MGAT5B: variants seen among roughly 807,000 people sequenced by gnomAD.
MGAT5B encodes the protein alpha-1,6-mannosylglycoprotein 6-beta-N-acetylglucosaminyltransferase B.
In MGAT5B, 54 loss-of-function variants were observed where a neutral mutation model predicts 95.1. That is an observed-to-expected ratio of 0.57 (90% CI 0.46 to 0.71). The LOEUF (loss-of-function observed/expected upper bound fraction) is 0.71, where lower values mean the gene tolerates loss of function less well. Ranked by LOEUF, MGAT5B falls within the 30% of genes least tolerant of loss-of-function variation. MGAT5B has a pLI of 0.00. For synonymous variants in MGAT5B, 464 were observed against 451.0 expected, an observed-to-expected ratio of 1.03 and a Z score of -0.36; for missense variants, 935 against 1,088.6, an observed-to-expected ratio of 0.86 and a Z score of 1.99.
intron 3 of MGAT5B, among the ~76,000 whole-genome samples, chr17:76,885,782 C>T (rs1037629808): frequency 1.3e-5 from 2 of 152,184 alleles, no homozygotes; most frequent in Non-Finnish European, 2.9e-5. Flanking sequence ...CCTGCTCACA[C>T]GCTCCCGTGC....
At chr17:76,933,102 G>C (rs190800144) in intron 11 of MGAT5B, among the ~76,000 whole-genome samples, 190 bp from the exon 12 acceptor site, 222 of 152,318 alleles carry the variant, frequency 1.5e-3, no homozygotes, top group African/African-American at 5.3e-3. Context: ...ATGGGGGGGT[G>C]GTCAGGCTAG....
chr17:76,926,479 C>G lies in MGAT5B; in HGVS notation c.1158-118C>G, dbSNP rs1969315264. On this transcript the variant is annotated intron_variant, in intron 9 of 17. Coordinates refer to ENST00000569840, the MANE Select transcript of MGAT5B (RefSeq NM_001199172.2). ...GTGTCCTAGTCCAAGTGCTAACACA[C>G]ACTGTGCTACTCTGACTCCACCACT... The G allele has an allele frequency of 3.0e-6, 3 of 985,290 alleles. No homozygotes were observed. In the Admixed American group the frequency reaches 7.7e-5, roughly 25 times the overall value. The allele number at this position is 985,290 out of a possible 1,614,324, so 61.0% of individuals were successfully genotyped here. A position where few individuals can be genotyped will look rare whatever the true frequency, so the allele number is the denominator to read the frequency against.
Position 76,905,998 on chromosome 17 carries a change from T to G in MGAT5B, c.856-20T>G. ...AGCTGCTGCTCCTCTCTGCTGACCC[T>G]CTGTGTTCCGCCCACCCAGATCCTG... On this transcript the variant is annotated intron_variant, in intron 7 of 17. Coordinates refer to ENST00000569840, the MANE Select transcript of MGAT5B (RefSeq NM_001199172.2). This position sits in a 1 kb window ranked among gnomAD's most constrained non-coding sequence, Gnocchi z 4.2. 1 of 1,586,734 alleles carries G rather than the reference T, an allele frequency of 6.3e-7. No homozygotes were observed. Among genetic ancestry groups the G allele is most frequent in the Non-Finnish European group, 8.6e-7 (1 of 1,168,842 alleles).
intron 2 of MGAT5B, among the ~76,000 whole-genome samples, chr17:76,875,797 A>G (rs1269470781): frequency 2.7e-5 from 4 of 150,632 alleles, no homozygotes; most frequent in Admixed American, 2.0e-4. Flanking sequence ...TGAATATTTC[A>G]GTGCACGTCT....
chr17:76,887,486 CCTCCCTCCCTTCCTCT>C (rs1967690021), intron 3 of MGAT5B, among the ~76,000 whole-genome samples: 1 of 98,554 alleles, frequency 1.0e-5, no homozygotes, highest in Non-Finnish European at 2.0e-5. Flanking sequence ...TCCCTCCCTC[CCTCCCTCCCTTCCTCT>C]CTCCCTCCCT....
intron 3 of MGAT5B, among the ~76,000 whole-genome samples, chr17:76,892,455 G>A (rs909719052): frequency 6.6e-6 from 1 of 152,260 alleles, no homozygotes; most frequent in Non-Finnish European, 1.5e-5. Context: ...CAGAGCCTGT[G>A]TGGAGAGGAG....
chr17:76,921,285 G>T (rs1433404025), intron 8 of MGAT5B, among the ~76,000 whole-genome samples: 1 of 152,190 alleles, frequency 6.6e-6, no homozygotes, highest in African/African-American at 2.4e-5. Context: ...TACAGGAAGT[G>T]TCCGGTCTCA....
chr17:76,917,286 C>T lies in MGAT5B; in HGVS notation c.1026-7680C>T, dbSNP rs146739344. On this transcript the variant is annotated intron_variant, in intron 8 of 17. Transcript: ENST00000569840. This position sits in a 1 kb window ranked among gnomAD's most constrained non-coding sequence, Gnocchi z 6.1. ...GCTGTGTCTCCGGCCTCTGCAGGGC[C>T]GTCCATAGTCATTTCTCAGCTGCCC... is the stretch of plus-strand genomic sequence containing the variant. Among the ~76,000 whole-genome samples the T allele has an allele frequency of 0.01, 1,534 of 151,614 alleles. 35 individuals are homozygous for T. The highest frequency in any genetic ancestry group is 0.035 in the African/African-American group (1,453 of 41,292).
At chr17:76,882,402 T>C in intron 3 of MGAT5B, 104 bp downstream of exon 3, 1 of 1,383,572 alleles carries the variant, frequency 7.2e-7, no homozygotes, top group Non-Finnish European at 9.7e-7. Context: ...CTGGAGAAGA[T>C]TTGGACCACA....
At position 76,897,911 on chromosome 17, in the gene MGAT5B, C is replaced by T. The variant is rs376138024; in HGVS notation, c.330-4644C>T. Among the ~76,000 whole-genome samples, 13 of 151,572 alleles carry T rather than the reference C, an allele frequency of 8.6e-5. No individual in the cohort carries two copies. In the East Asian group the frequency reaches 2.1e-3, roughly 25 times the overall value. The stretch of plus-strand genomic sequence containing the variant: ...TCTCTACTAAAAATACAAAAATTAG[C>T]CAGGCATGGTGGCACATGCCTGTAA... On this transcript the variant is annotated intron_variant, in intron 3 of 17. Coordinates refer to ENST00000569840, the MANE Select transcript of MGAT5B (RefSeq NM_001199172.2).
In MGAT5B at chr17:76,906,467, G is replaced by A. The variant is rs887750506; in HGVS notation, c.1025+280G>A. Among the ~76,000 whole-genome samples, 1 of 152,238 alleles carries A rather than the reference G, an allele frequency of 6.6e-6. No individual in the cohort carries two copies. The highest frequency in any genetic ancestry group is 2.4e-5 in the African/African-American group (1 of 41,464). On this transcript the variant is annotated intron_variant, in intron 8 of 17. Coordinates refer to ENST00000569840, the MANE Select transcript of MGAT5B (RefSeq NM_001199172.2). The surrounding 1 kb of genome is among the most constrained non-coding windows in gnomAD (Gnocchi z 4.6). Reference sequence around the variant, plus strand: ...GGTGTTTCTGCTCAGGGGCTGACACGTGTTGGCTTGTGGAATTGAGCCACG... The same window carrying A: ...GGTGTTTCTGCTCAGGGGCTGACACATGTTGGCTTGTGGAATTGAGCCACG...
rs1390480004 is a variant in MGAT5B, at chr17:76,917,723, G to A, written c.1026-7243G>A. Among the ~76,000 whole-genome samples, 1 of 152,132 alleles carries A rather than the reference G, an allele frequency of 6.6e-6. No individual in the cohort carries two copies. Among genetic ancestry groups the A allele is most frequent in the Non-Finnish European group, 1.5e-5 (1 of 68,040 alleles). On this transcript the variant is annotated intron_variant, in intron 8 of 17. Coordinates refer to ENST00000569840, the MANE Select transcript of MGAT5B (RefSeq NM_001199172.2). This position sits in a 1 kb window ranked among gnomAD's most constrained non-coding sequence, Gnocchi z 6.1. ...CCTGCACAGGTTGGTTCTCAGCAAAGGTTGGTGGAACCGGATAGAATAGCA... is the reference window on the plus strand; with the variant it reads ...CCTGCACAGGTTGGTTCTCAGCAAAAGTTGGTGGAACCGGATAGAATAGCA...
rs564467621 is a variant in MGAT5B at position 76,915,773 on chromosome 17, A to C, written c.1026-9193A>C. ...GGCCGACGATTACAATTCACTAAAA[A>C]TCCCCGGCCCCTCTCCTGTCTCCTT... On this transcript the variant is annotated intron_variant, in intron 8 of 17. Transcript: ENST00000569840. This position sits in a 1 kb window ranked among gnomAD's most constrained non-coding sequence, Gnocchi z 8.7. Among the ~76,000 whole-genome samples the C allele has an allele frequency of 6.6e-6, 1 of 152,222 alleles. No individual in the cohort carries two copies. Among genetic ancestry groups the C allele is most frequent in the South Asian group, 2.1e-4 (1 of 4,814 alleles).
At chr17:76,921,728 G>A (rs889837466) in intron 8 of MGAT5B, among the ~76,000 whole-genome samples, 1 of 152,222 alleles carries the variant, frequency 6.6e-6, no homozygotes, top group Non-Finnish European at 1.5e-5. Flanking sequence ...CTCAGAGGCA[G>A]TGGGAAGCCT....
At chr17:76,903,418 G>A in intron 5 of MGAT5B, 42 bp downstream of exon 5, 2 of 1,554,496 alleles carry the variant, frequency 1.3e-6, no homozygotes, top group Non-Finnish European at 1.8e-6. Flanking sequence ...TACAGCTAGG[G>A]CCTCTCTGTC....
Position 76,925,047 on chromosome 17 carries a change from C to T in MGAT5B, c.1107C>T (p.His369=), listed in dbSNP as rs34056052. 128,934 of 1,611,052 alleles carry T rather than the reference C, an allele frequency of 0.08. 5,518 individuals carry two copies. The highest frequency in any genetic ancestry group is 0.11 in the Middle Eastern group (679 of 6,054). The change falls in exon 9 of 18, where the codon CAC becomes CAT. Residue 369 remains histidine, a synonymous_variant. Transcript: ENST00000569840. Reference sequence around the variant, plus strand: ...TCGACCTCATCTACACCGACTACCACGGCCTGCAGCAGATGAAGCGGCACA... The same window carrying T: ...TCGACCTCATCTACACCGACTACCATGGCCTGCAGCAGATGAAGCGGCACA... The part of the protein sequence containing the change: ...LPFDLIYTDY[H]GLQQMKRHMG...
At chr17:76,934,825 A>G (rs184337675) in intron 12 of MGAT5B, among the ~76,000 whole-genome samples, 12 of 152,310 alleles carry the variant, frequency 7.9e-5, no homozygotes, top group African/African-American at 2.6e-4. Flanking sequence ...GTTTGTAACC[A>G]AAGGAAGTCA....
At chr17:76,933,777 A>C (rs1969569998) in intron 12 of MGAT5B, among the ~76,000 whole-genome samples, 1 of 152,166 alleles carries the variant, frequency 6.6e-6, no homozygotes, top group African/African-American at 2.4e-5. Flanking sequence ...ACAAGATGGA[A>C]GTATATTTTC....
chr17:76,941,787 G>A (rs771513702), intron 15 of MGAT5B, among the ~76,000 whole-genome samples: 2 of 152,260 alleles, frequency 1.3e-5, no homozygotes, highest in African/African-American at 4.8e-5. Flanking sequence ...CAGGAAGCAG[G>A]CACGGAGGTG....
Sources: gnomAD v4.1 joint callset for allele counts (sites outside exome capture counted in the v4.1 genomes callset) on GRCh38, gnomAD v4.1.1 for gene constraint, Gnocchi (gnomAD v3.1) non-coding constraint, MANE v1.5 for transcripts, NCBI Gene and HGNC (gene_info 2026-07-23, HGNC 2026-07-21) for gene names.